The following UPF2 variants were observed in gnomAD, a reference collection of about 807,000 sequenced individuals.
UPF2 encodes regulator of nonsense transcripts 2.
UPF2 carries 17 observed loss-of-function variants against 141.4 expected under a neutral mutation model. The observed-to-expected ratio is 0.12, with a 90% CI of 0.08 to 0.18. The LOEUF is 0.18. UPF2 is among the 10% of genes least tolerant of loss of function. The probability of loss-of-function intolerance (pLI) is 1.00; values close to 1 mark genes in which losing one functional copy is unlikely to be tolerated. For synonymous variants in UPF2, 540 were observed against 498.0 expected (o/e 1.08, Z -1.12); for missense variants, 1,152 against 1,515.9 (o/e 0.76, Z 3.99).
chr10:12,023,086 T>G (rs1012115419), intron 3 of UPF2, among the ~76,000 whole-genome samples: 4 of 152,358 alleles, frequency 2.6e-5, no homozygotes, highest in Non-Finnish European at 5.9e-5. Flanking sequence ...CCTGAATTCA[T>G]GATTTCACTA....
intron 2 of UPF2, among the ~76,000 whole-genome samples, chr10:12,032,396 A>G (rs1834541213): frequency 6.6e-6 from 1 of 152,144 alleles, no homozygotes; most frequent in Non-Finnish European, 1.5e-5. Context: ...CGAAGTTTTT[A>G]TGGGTAAATG....
At chr10:11,955,887 A>C (rs899993002) in intron 13 of UPF2, among the ~76,000 whole-genome samples, 11 of 152,210 alleles carry the variant, frequency 7.2e-5, no homozygotes, top group Non-Finnish European at 1.3e-4. Flanking sequence ...TCACGCCTGT[A>C]ATCCCAGCAT....
chr10:11,967,158 G>A (rs527405295), intron 10 of UPF2, among the ~76,000 whole-genome samples, 183 bp downstream of exon 10: 6 of 152,280 alleles, frequency 3.9e-5, no homozygotes, highest in Admixed American at 1.3e-4. Context: ...TCGTAGAACT[G>A]CATAAGTATC....
At chr10:11,960,911 G>A (rs1254137551) in intron 11 of UPF2, among the ~76,000 whole-genome samples, 2 of 152,024 alleles carry the variant, frequency 1.3e-5, no homozygotes, top group Non-Finnish European at 2.9e-5. Context: ...TAGCAACGTA[G>A]TGAGACCCTG....
At chr10:11,954,264 C>T (rs944447543) in intron 14 of UPF2, among the ~76,000 whole-genome samples, 1 of 151,904 alleles carries the variant, frequency 6.6e-6, no homozygotes, top group Non-Finnish European at 1.5e-5. Flanking sequence ...CAAGAATTTA[C>T]AAATAAATGA....
Position 11,979,114 on chromosome 10 carries a change from G to A in UPF2, c.1896C>T (p.Cys632=), listed in dbSNP as rs761444182. The A allele has an allele frequency of 5.6e-6, 9 of 1,613,468 alleles. No homozygotes were observed. The East Asian group carries it at 1.8e-4, about 32-fold the overall frequency. The change falls in exon 9 of 22, where the codon TGC becomes TGT. Residue 632 remains cysteine (C), a synonymous_variant. Coordinates refer to ENST00000357604, the MANE Select transcript of UPF2 (RefSeq NM_015542.4). This position sits in a 1 kb window ranked among gnomAD's most constrained non-coding sequence, Gnocchi z 6.2. ...AAAGATCCTCTGCTACATCAGACAT[G>A]CAGGGATGCAATGTAGCAACCAATC... ...YARLVATLHP[C]MSDVAEDLCS...
At chr10:12,034,120 C>T (rs1041837899) in intron 2 of UPF2, among the ~76,000 whole-genome samples, 1 of 152,088 alleles carries the variant, frequency 6.6e-6, no homozygotes, top group African/African-American at 2.4e-5. Flanking sequence ...AGCAACTTAC[C>T]CTCCTTAAGC....
At chr10:11,960,473 C>A (rs1196504512) in intron 11 of UPF2, among the ~76,000 whole-genome samples, 1 of 152,094 alleles carries the variant, frequency 6.6e-6, no homozygotes, top group East Asian at 1.9e-4. Context: ...GAAGCTGAAG[C>A]AGGAGGATCA....
intron 4 of UPF2, among the ~76,000 whole-genome samples, chr10:12,009,636 G>C (rs1258325347): frequency 1.3e-5 from 2 of 152,170 alleles, no homozygotes; most frequent in Non-Finnish European, 2.9e-5. Flanking sequence ...AATTGCCCCA[G>C]CTTACTTCAT....
At chr10:12,021,666 A>G (rs1834320172) in intron 3 of UPF2, among the ~76,000 whole-genome samples, 1 of 152,378 alleles carries the variant, frequency 6.6e-6, no homozygotes, top group African/African-American at 2.4e-5. Flanking sequence ...AAAGGAAAAT[A>G]GTCTTGACAA....
chr10:12,040,412 C>T (rs1834715543), intron 1 of UPF2, among the ~76,000 whole-genome samples: 1 of 152,094 alleles, frequency 6.6e-6, no homozygotes, highest in Admixed American at 6.6e-5. Context: ...CAAAGCCAGA[C>T]TCCGTCTCAA....
chr10:12,029,244 T>C lies in UPF2; in HGVS notation c.646A>G (p.Ile216Val). The change falls in exon 3 of 22, where the codon ATC (isoleucine) becomes GTC (valine). Residue 216 changes from isoleucine to valine, a missense_variant. Ile to Val is a conservative substitution (Grantham distance 29). Coordinates refer to ENST00000357604, the MANE Select transcript of UPF2 (RefSeq NM_015542.4). ...VASIVEAKLK[I>V]SDVNCAVHLC... ...TGCACAGCACAGTTCACATCAGAGA[T>C]TTTTAGTTTTGCTTCCACGATGGAA... 1 of 1,614,108 alleles carries C rather than the reference T, an allele frequency of 6.2e-7. No homozygotes were observed.
chr10:11,938,998 A>C (rs1427809964), intron 18 of UPF2, among the ~76,000 whole-genome samples: 2 of 150,560 alleles, frequency 1.3e-5, no homozygotes, highest in African/African-American at 2.4e-5. Context: ...TCAGCCTCCC[A>C]AGTAGCTGGG....
chr10:11,995,191 C>T (rs1049873491), intron 8 of UPF2, among the ~76,000 whole-genome samples: 1 of 151,812 alleles, frequency 6.6e-6, no homozygotes, highest in Admixed American at 6.6e-5. Flanking sequence ...CAAAGATTTC[C>T]AGTGGAAAAA....
chr10:11,999,817 C>T (rs1833924625), intron 7 of UPF2, 89 bp downstream of exon 7: 1 of 1,081,114 alleles, frequency 9.2e-7, no homozygotes, highest in Non-Finnish European at 1.4e-6. Flanking sequence ...CTTTGTAGCT[C>T]AAACAGTCTA....
intron 16 of UPF2, among the ~76,000 whole-genome samples, chr10:11,944,746 T>C (rs1250789594): frequency 6.6e-6 from 1 of 152,220 alleles, no homozygotes; most frequent in Non-Finnish European, 1.5e-5. Context: ...CATGCATTAA[T>C]TTTTCAAATT....
chr10:12,011,578 C>T (rs1156236334), intron 4 of UPF2, among the ~76,000 whole-genome samples: 2 of 151,794 alleles, frequency 1.3e-5, no homozygotes, highest in East Asian at 1.9e-4. Context: ...TCCAGCCTGT[C>T]TCCAAAAATA....
rs563889876 is a variant in UPF2 at position 11,980,679 on chromosome 10, G to A, written c.1845-1514C>T. Among the ~76,000 whole-genome samples, 2 of 152,232 alleles carry A rather than the reference G, an allele frequency of 1.3e-5. No homozygotes were observed. The highest frequency in any genetic ancestry group is 2.9e-5 in the Non-Finnish European group (2 of 68,028). Reference sequence around the variant, plus strand: ...ACCCAGGAGGCAGAGGTTGCAGTGAGCTGAGATCACACCATTGCAATCCAG... The same window carrying A: ...ACCCAGGAGGCAGAGGTTGCAGTGAACTGAGATCACACCATTGCAATCCAG... On this transcript the variant is annotated intron_variant, in intron 8 of 21. Transcript: ENST00000357604. This position sits in a 1 kb window ranked among gnomAD's most constrained non-coding sequence, Gnocchi z 4.2.
chr10:12,002,396 T>TA (rs1267593132), intron 5 of UPF2, among the ~76,000 whole-genome samples: 2 of 152,278 alleles, frequency 1.3e-5, no homozygotes, highest in African/African-American at 4.8e-5. Context: ...GATGAGGACT[T>TA]ACATGGCGTG....
Sources: gnomAD v4.1 joint callset for allele counts (sites outside exome capture counted in the v4.1 genomes callset) on GRCh38, gnomAD v4.1.1 for gene constraint, Gnocchi (gnomAD v3.1) non-coding constraint, MANE v1.5 for transcripts, NCBI Gene and HGNC (gene_info 2026-07-23, HGNC 2026-07-21) for gene names.